UBE2E2: variants seen among roughly 807,000 people sequenced by gnomAD.
The protein encoded by UBE2E2 is ubiquitin conjugating enzyme E2 E2, also known as ubiquitin-conjugating enzyme E2 E2.
A neutral mutation model predicts 24.7 loss-of-function variants in UBE2E2; 6 were observed. The observed-to-expected ratio is 0.24, with a 90% CI of 0.13 to 0.48. UBE2E2 has a LOEUF of 0.48. Among genes scored for constraint, UBE2E2 ranks in the 20% least tolerant of loss-of-function variants. The probability of loss-of-function intolerance (pLI) is 0.99; values close to 1 mark genes in which losing one functional copy is unlikely to be tolerated. For synonymous variants in UBE2E2, 104 were observed against 83.6 expected, an observed-to-expected ratio of 1.24 and a Z score of -1.33; for missense variants, 169 against 245.0, an observed-to-expected ratio of 0.69 and a Z score of 2.07.
At chr3:23,521,152 T>A (rs1694854863) in intron 4 of UBE2E2, among the ~76,000 whole-genome samples, 1 of 152,136 alleles carries the variant, frequency 6.6e-6, no homozygotes, top group Admixed American at 6.6e-5. Context: ...AAGGATGGAG[T>A]AATCCTGTAC....
chr3:23,520,712 A>ATATGATTACATATGAG (rs1237201200), intron 4 of UBE2E2, among the ~76,000 whole-genome samples: 4 of 152,334 alleles, frequency 2.6e-5, no homozygotes, highest in Middle Eastern at 3.4e-3. Context: ...GTGTAATCAT[A>ATATGATTACATATGAG]GCTCACTACA....
rs1375470690 is a variant in UBE2E2, at chr3:23,353,256, A to C, written c.227+135944A>C. Among the ~76,000 whole-genome samples the C allele has an allele frequency of 6.6e-5, 10 of 152,256 alleles. No individual in the cohort carries two copies. The South Asian group carries it at 1.2e-3, about 19-fold the overall frequency. On this transcript the variant is annotated intron_variant, in intron 3 of 5. Transcript: ENST00000396703. Reference sequence around the variant, plus strand: ...TATCTCCAAATAATAAGAGCTATCTATGACAAACCCACAGCCAATATCATA... The same window carrying C: ...TATCTCCAAATAATAAGAGCTATCTCTGACAAACCCACAGCCAATATCATA...
chr3:23,506,800 A>C (rs1309649356), intron 4 of UBE2E2, among the ~76,000 whole-genome samples: 1 of 151,986 alleles, frequency 6.6e-6, no homozygotes, highest in Non-Finnish European at 1.5e-5. Context: ...TGCCCGGCTA[A>C]TTTTGTATTT....
intron 5 of UBE2E2, among the ~76,000 whole-genome samples, chr3:23,561,259 G>T (rs1164654222): frequency 6.6e-6 from 1 of 152,198 alleles, no homozygotes; most frequent in African/African-American, 2.4e-5. Context: ...TAAGGTGTAA[G>T]GAAGGGATCC....
intron 3 of UBE2E2, among the ~76,000 whole-genome samples, chr3:23,472,876 C>T (rs1699057950): frequency 6.6e-6 from 1 of 151,996 alleles, no homozygotes; most frequent in Non-Finnish European, 1.5e-5. Flanking sequence ...TGGTCTCAAA[C>T]TCCTGGGCTC....
intron 2 of UBE2E2, among the ~76,000 whole-genome samples, chr3:23,211,247 TCA>T (rs1696313609): frequency 6.6e-6 from 1 of 152,172 alleles, no homozygotes; most frequent in Non-Finnish European, 1.5e-5. Flanking sequence ...AAATTTTATT[TCA>T]CACTTTTTTG....
At chr3:23,351,850 C>A (rs549101048) in intron 3 of UBE2E2, among the ~76,000 whole-genome samples, 5 of 152,166 alleles carry the variant, frequency 3.3e-5, no homozygotes, top group African/African-American at 1.2e-4. Flanking sequence ...ACAAGGATAC[C>A]CAGGAATTGA....
chr3:23,579,002 G>A (rs1391128126), intron 5 of UBE2E2, among the ~76,000 whole-genome samples: 1 of 152,196 alleles, frequency 6.6e-6, no homozygotes, highest in African/African-American at 2.4e-5. Flanking sequence ...TGATAGAGAT[G>A]TATGAAGAGT....
At chr3:23,310,246 G>T (rs1425998437) in intron 3 of UBE2E2, among the ~76,000 whole-genome samples, 2 of 150,232 alleles carry the variant, frequency 1.3e-5, no homozygotes, top group African/African-American at 2.5e-5. Context: ...TACCAATTAA[G>T]TACCAAAATG....
intron 3 of UBE2E2, among the ~76,000 whole-genome samples, chr3:23,390,118 G>A (rs759843425): frequency 1.3e-5 from 2 of 152,108 alleles, no homozygotes; most frequent in African/African-American, 4.8e-5. Context: ...AACTAGTATT[G>A]ATGTGGATAA....
intron 3 of UBE2E2, among the ~76,000 whole-genome samples, chr3:23,439,687 A>G (rs1472068885): frequency 6.6e-6 from 1 of 152,172 alleles, no homozygotes; most frequent in Non-Finnish European, 1.5e-5. Context: ...TCTTATAACA[A>G]TGGAAAGATA....
At chr3:23,519,084 C>T (rs971387766) in intron 4 of UBE2E2, among the ~76,000 whole-genome samples, 1 of 152,162 alleles carries the variant, frequency 6.6e-6, no homozygotes, top group Admixed American at 6.5e-5. Context: ...TCTACTCCTT[C>T]ACTCCTTCCC....
At chr3:23,496,722 A>G (rs13062360) in intron 3 of UBE2E2, among the ~76,000 whole-genome samples, 4 of 152,124 alleles carry the variant, frequency 2.6e-5, no homozygotes, top group African/African-American at 7.2e-5. Flanking sequence ...AATAAACATT[A>G]TTCTCAATGT....
chr3:23,299,829 T>C (rs1272259929), intron 3 of UBE2E2, among the ~76,000 whole-genome samples: 1 of 152,216 alleles, frequency 6.6e-6, no homozygotes, highest in East Asian at 1.9e-4. Flanking sequence ...GTTCAATTCC[T>C]GGGTATCCTT....
chr3:23,432,288 T>C (rs1698078954), intron 3 of UBE2E2, among the ~76,000 whole-genome samples: 1 of 152,138 alleles, frequency 6.6e-6, no homozygotes, highest in Non-Finnish European at 1.5e-5. Flanking sequence ...GATTGTGAGC[T>C]GAAAGGTATC....
Position 23,257,530 on chromosome 3 carries a change from C to CT in UBE2E2, c.227+40242dup, listed in dbSNP as rs3057372. On this transcript the variant is annotated intron_variant, in intron 3 of 5. Coordinates refer to ENST00000396703, the MANE Select transcript of UBE2E2 (RefSeq NM_152653.4). ...TTCCCGTGCCCCCCCCCCCCCCCCA[C>CT]TTTTTTTTTTTTTTTTTTTTTTTTA... is the stretch of plus-strand genomic sequence containing the variant. Among the ~76,000 whole-genome samples the CT allele has an allele frequency of 4.9e-3, 80 of 16,262 alleles. 6 individuals carry two copies. The highest frequency in any genetic ancestry group is 5.7e-3 in the Non-Finnish European group (55 of 9,712). 10.7% of individuals were successfully genotyped at this position (16,262 alleles called of 152,430 possible).
chr3:23,257,836 A>G (rs1697779347), intron 3 of UBE2E2, among the ~76,000 whole-genome samples: 1 of 152,080 alleles, frequency 6.6e-6, no homozygotes, highest in Non-Finnish European at 1.5e-5. Flanking sequence ...ACAATCCTAT[A>G]GGATTATAAA....
intron 3 of UBE2E2, among the ~76,000 whole-genome samples, chr3:23,391,428 G>C (rs982833443): frequency 6.6e-6 from 1 of 152,124 alleles, no homozygotes; most frequent in Non-Finnish European, 1.5e-5. Flanking sequence ...CAAAATTTTT[G>C]TTGGGCATCT....
intron 5 of UBE2E2, among the ~76,000 whole-genome samples, chr3:23,544,056 A>T (rs1043091754): frequency 1.3e-5 from 2 of 152,248 alleles, no homozygotes; most frequent in African/African-American, 2.4e-5. Context: ...ATATACAAAA[A>T]TCAACTTAAG....
Sources: allele counts gnomAD v4.1 joint callset (sites outside exome capture counted in the v4.1 genomes callset), GRCh38; gene constraint gnomAD v4.1.1; transcripts MANE v1.5; gene names NCBI Gene and HGNC (gene_info 2026-07-23, HGNC 2026-07-21).